Variants in SCN4B observed in about 807,000 individuals in gnomAD.
SCN4B encodes the protein sodium voltage-gated channel beta subunit 4.
SCN4B carries 20 observed loss-of-function variants against 19.6 expected under a neutral mutation model. That is an observed-to-expected ratio of 1.02 (90% CI 0.72 to 1.48). The LOEUF is 1.48. Among genes scored for constraint, SCN4B ranks in the 40% most tolerant of loss-of-function variants. The pLI, the probability that SCN4B is intolerant of heterozygous loss-of-function variation, is 0.00. For missense variants in SCN4B, 271 were observed against 287.5 expected, an observed-to-expected ratio of 0.94 and a Z score of 0.42; for synonymous variants, 127 against 122.8, an observed-to-expected ratio of 1.03 and a Z score of -0.22.
chr11:118,139,386 C>T (rs1471858224), intron 4 of SCN4B, among the ~76,000 whole-genome samples: 2 of 152,218 alleles, frequency 1.3e-5, no homozygotes, highest in African/African-American at 4.8e-5. Context: ...TTTCACCCTG[C>T]CCTGAACCCC....
At chr11:118,141,866 G>A (rs1459939434) in intron 3 of SCN4B, 3 of 162,692 alleles carry the variant, frequency 1.8e-5, no homozygotes, top group Admixed American at 1.7e-4. Context: ...TTCTTCATCT[G>A]AAAACTGAAC....
intron 4 of SCN4B, among the ~76,000 whole-genome samples, chr11:118,139,449 T>C (rs1420590697): frequency 1.3e-5 from 2 of 152,242 alleles, no homozygotes; most frequent in Admixed American, 6.5e-5. Context: ...CTCTACCTTG[T>C]ATTACATTTA....
At position 118,136,408 on chromosome 11, in the gene SCN4B, ACT is replaced by A. The variant is rs752178625; in HGVS notation, c.*617_*618del. ...CAGCCCTGGTTGAGAGGGCTTAAAA[ACT>A]CTGAGCAGGGGAGGGGATAGGCAGA... is the stretch of plus-strand genomic sequence containing the variant. On this transcript the variant is annotated 3_prime_UTR_variant, in exon 5 of 5. Transcript: ENST00000324727. The A allele has an allele frequency of 2.4e-5, 11 of 450,948 alleles. No individual in the cohort carries two copies. The highest frequency in any genetic ancestry group is 4.4e-6 in the Non-Finnish European group (1 of 225,840). The allele number at this position is 450,948 out of a possible 1,614,324, so 27.9% of individuals were successfully genotyped here. A position where few individuals can be genotyped will look rare whatever the true frequency, so the allele number is the denominator to read the frequency against.
intron 1 of SCN4B, 46 bp from the exon 2 acceptor site, chr11:118,145,275 G>C (rs1948157491): frequency 1.2e-6 from 2 of 1,612,564 alleles, no homozygotes; most frequent in Admixed American, 1.7e-5. Context: ...CACCAGCCTG[G>C]AGCTCTGGAA....
chr11:118,141,090 C>T lies in SCN4B; in HGVS notation c.593+117G>A, dbSNP rs644287. The T allele has an allele frequency of 0.33, 375,098 of 1,128,388 alleles. 63,154 individuals are homozygous for T. Among genetic ancestry groups the T allele is most frequent in the African/African-American group, 0.36 (22,879 of 62,740 alleles). 69.9% of individuals were successfully genotyped at this position (1,128,388 alleles called of 1,614,324 possible). ...GGGGTGGCAGGGATAGAACAGAGAG[C>T]GGTAGGAATGGGAATGGGGGGAAGG... On this transcript the variant is annotated intron_variant, in intron 4 of 4. Transcript: ENST00000324727.
Position 118,145,187 on chromosome 11 carries a change from ACAGACAC to A in SCN4B, c.97_103del (p.Val33TrpfsTer46). On this transcript the variant is annotated frameshift_variant, in exon 2 of 5. Coordinates refer to ENST00000324727, the MANE Select transcript of SCN4B (RefSeq NM_174934.4). LOFTEE classifies it high-confidence loss of function. Reference sequence around the variant, plus strand: ...AGCGTAGATGTCGGTGGCCTTTCCCACAGACACCTCCAGCGACAGGGTTACGGGGAGC... The same window carrying A: ...AGCGTAGATGTCGGTGGCCTTTCCCACTCCAGCGACAGGGTTACGGGGAGC... 6.3e-7 allele frequency: 1 copy of A among 1,598,836 alleles called. No individual in the cohort carries two copies. The highest frequency in any genetic ancestry group is 8.5e-7 in the Non-Finnish European group (1 of 1,173,526).
chr11:118,151,475 C>G (rs1255691741), intron 1 of SCN4B, among the ~76,000 whole-genome samples: 1 of 152,152 alleles, frequency 6.6e-6, no homozygotes, highest in Non-Finnish European at 1.5e-5. Context: ...TGCCAAGGTA[C>G]AGGAGAAAAC....
At position 118,133,479 on chromosome 11, in the gene SCN4B, G is replaced by A. The variant is rs750414730; in HGVS notation, c.*3548C>T. 7.7e-5 allele frequency: 35 copies of A among 453,894 alleles called. No homozygotes were observed. Among genetic ancestry groups the A allele is most frequent in the African/African-American group, 3.4e-4 (17 of 49,990 alleles). 28.1% of individuals were successfully genotyped at this position (453,894 alleles called of 1,614,324 possible). A position where few individuals can be genotyped will look rare whatever the true frequency, so the allele number is the denominator to read the frequency against. ...GACTGATTATATCCGTTCTGTGCTC[G>A]AACACAAGTCAGTGCTGGCTGTGTG... On this transcript the variant is annotated 3_prime_UTR_variant, in exon 5 of 5. Coordinates refer to ENST00000324727, the MANE Select transcript of SCN4B (RefSeq NM_174934.4).
chr11:118,145,020 G>A, intron 2 of SCN4B, 37 bp downstream of exon 2: 1 of 1,605,036 alleles, frequency 6.2e-7, no homozygotes, highest in Non-Finnish European at 8.5e-7. Context: ...ATGGGTGAGG[G>A]AGGCTGGGCT....
rs566969005 is a variant in SCN4B at position 118,152,777 on chromosome 11, G to T, written c.-104C>A. The T allele has an allele frequency of 2.4e-4, 195 of 826,408 alleles. 1 individual carries two copies. The African/African-American group carries it at 3.2e-3, about 13-fold the overall frequency. The allele number at this position is 826,408 out of a possible 1,614,324, so 51.2% of individuals were successfully genotyped here. ...CGTTCGGCCACAAAGCTACCCCGGA[G>T]CTCTGCGCCGCCGGTCGGGGCTCGG... On this transcript the variant is annotated 5_prime_UTR_variant, in exon 1 of 5. Coordinates refer to ENST00000324727, the MANE Select transcript of SCN4B (RefSeq NM_174934.4).
At chr11:118,146,500 G>A (rs573425362) in intron 1 of SCN4B, among the ~76,000 whole-genome samples, 1 of 152,304 alleles carries the variant, frequency 6.6e-6, no homozygotes, top group Admixed American at 6.5e-5. Flanking sequence ...TCCCTGTTCT[G>A]CATCATAAAC....
At chr11:118,139,488 CT>C (rs1948067686) in intron 4 of SCN4B, among the ~76,000 whole-genome samples, 1 of 152,172 alleles carries the variant, frequency 6.6e-6, no homozygotes, top group South Asian at 2.1e-4. Flanking sequence ...TGTATCTTGT[CT>C]TCTTTAGTTA....
chr11:118,141,287 GC>G lies in SCN4B; in HGVS notation c.512del (p.Gly171AlafsTer12), dbSNP rs768906440. On this transcript the variant is annotated frameshift_variant, in exon 4 of 5. Transcript: ENST00000324727. LOFTEE classifies it high-confidence loss of function. ...TVTLIILAVV[G>X]GVIGLLILIL... is the part of the protein sequence containing the mutation. The stretch of plus-strand genomic sequence containing the variant: ...TGAGGATGAGGAGCCCGATGACCCC[GC>G]CCACGACAGCCAGGATGATGAGTGT... The G allele has an allele frequency of 3.7e-6, 6 of 1,612,498 alleles. No individual in the cohort carries two copies. The South Asian group carries it at 6.6e-5, about 18-fold the overall frequency.
At chr11:118,145,896 C>T (rs938744682) in intron 1 of SCN4B, among the ~76,000 whole-genome samples, 4 of 152,188 alleles carry the variant, frequency 2.6e-5, no homozygotes, top group African/African-American at 9.7e-5. Flanking sequence ...CAAACGGGAC[C>T]CTGGGAACCG....
intron 1 of SCN4B, chr11:118,145,781 C>T (rs892078867): frequency 4.4e-5 from 10 of 225,464 alleles, no homozygotes; most frequent in African/African-American, 2.3e-4. Flanking sequence ...GCCTCTCGTT[C>T]CCCCGCCCTG....
Position 118,137,016 on chromosome 11 carries a change from C to T in SCN4B, c.*11G>A, listed in dbSNP as rs774052029. The stretch of plus-strand genomic sequence containing the variant: ...GGGGGCTCCCTGCAGCTGCTCAGCC[C>T]GAAGCAGGGCTCACACTTTTGAAGG... On this transcript the variant is annotated 3_prime_UTR_variant, in exon 5 of 5. Coordinates refer to ENST00000324727, the MANE Select transcript of SCN4B (RefSeq NM_174934.4). The T allele has an allele frequency of 4.4e-6, 7 of 1,601,068 alleles. No individual in the cohort carries two copies. Among genetic ancestry groups the T allele is most frequent in the East Asian group, 2.2e-5 (1 of 44,822 alleles).
intron 4 of SCN4B, among the ~76,000 whole-genome samples, chr11:118,137,603 G>A (rs576931610): frequency 3.5e-4 from 53 of 152,282 alleles, no homozygotes; most frequent in African/African-American, 9.4e-4. Flanking sequence ...CCTGGGAGGC[G>A]GAGGTTGCAG....
At position 118,134,189 on chromosome 11, in the gene SCN4B, A is replaced by G. The variant is rs888784654; in HGVS notation, c.*2838T>C. Reference sequence around the variant, plus strand: ...TCGGGCTGCCTTCTGTTCAATTACGACATGGGGAGAAGCCCAGAACCTGGA... The same window carrying G: ...TCGGGCTGCCTTCTGTTCAATTACGGCATGGGGAGAAGCCCAGAACCTGGA... On this transcript the variant is annotated 3_prime_UTR_variant, in exon 5 of 5. Transcript: ENST00000324727. 4.4e-6 allele frequency: 2 copies of G among 454,172 alleles called. No individual in the cohort carries two copies. Among genetic ancestry groups the G allele is most frequent in the Non-Finnish European group, 8.8e-6 (2 of 226,792 alleles). The allele number at this position is 454,172 out of a possible 1,614,324, so 28.1% of individuals were successfully genotyped here. A position where few individuals can be genotyped will look rare whatever the true frequency, so the allele number is the denominator to read the frequency against.
chr11:118,151,173 G>A (rs548395176), intron 1 of SCN4B, among the ~76,000 whole-genome samples: 57 of 151,492 alleles, frequency 3.8e-4, no homozygotes, highest in African/African-American at 1.3e-3. Flanking sequence ...GGCCCTCTTG[G>A]TTGCCCACAG....
Sources: allele counts gnomAD v4.1 joint callset (sites outside exome capture counted in the v4.1 genomes callset), GRCh38; gene constraint gnomAD v4.1.1; transcripts MANE v1.5; gene names NCBI Gene and HGNC (gene_info 2026-07-23, HGNC 2026-07-21).